Variants in RAB27B observed in about 807,000 individuals in gnomAD.
RAB27B encodes ras-related protein Rab-27B.
In RAB27B, 15 loss-of-function variants were observed where a neutral mutation model predicts 24.6. The observed-to-expected ratio is 0.61, with a 90% CI of 0.41 to 0.94. RAB27B has a LOEUF of 0.94. Among genes scored for constraint, RAB27B ranks in the 40% least tolerant of loss-of-function variants. The pLI is 0.00. For synonymous variants in RAB27B, 105 were observed against 92.5 expected (o/e 1.14, Z -0.78); for missense variants, 261 against 266.8 (o/e 0.98, Z 0.15).
intron 1 of RAB27B, among the ~76,000 whole-genome samples, chr18:54,868,964 A>G (rs1392677408): frequency 6.6e-6 from 1 of 152,188 alleles, no homozygotes; most frequent in Non-Finnish European, 1.5e-5. Context: ...TGAATCTGAA[A>G]CAGCAAATTT....
intron 2 of RAB27B, among the ~76,000 whole-genome samples, chr18:54,724,481 T>C (rs537413813): frequency 4.6e-5 from 7 of 151,452 alleles, no homozygotes; most frequent in African/African-American, 1.4e-4. Context: ...CCCAGCGCTT[T>C]GGGAGGCTTA....
At chr18:54,832,611 T>C (rs984480677) in intron 1 of RAB27B, among the ~76,000 whole-genome samples, 1 of 151,962 alleles carries the variant, frequency 6.6e-6, no homozygotes, top group Non-Finnish European at 1.5e-5. Flanking sequence ...AGAGAAAAAA[T>C]TGGGGCTTGA....
intron 2 of RAB27B, among the ~76,000 whole-genome samples, chr18:54,822,944 C>T (rs1441833685): frequency 2.0e-5 from 3 of 152,110 alleles, no homozygotes. Flanking sequence ...GACAAAATTA[C>T]AATAATCTCA....
At chr18:54,883,970 A>G (rs1261636772) in intron 3 of RAB27B, among the ~76,000 whole-genome samples, 1 of 152,128 alleles carries the variant, frequency 6.6e-6, no homozygotes, top group Non-Finnish European at 1.5e-5. Flanking sequence ...AGAAAGATGG[A>G]AAGTATAGGT....
chr18:54,834,868 C>T (rs1321926690), intron 1 of RAB27B, among the ~76,000 whole-genome samples: 1 of 151,674 alleles, frequency 6.6e-6, no homozygotes, highest in Non-Finnish European at 1.5e-5. Context: ...TTGGGGTCAA[C>T]TTAATCTGTT....
intron 2 of RAB27B, among the ~76,000 whole-genome samples, chr18:54,744,523 T>A (rs1488257471): frequency 6.6e-6 from 1 of 152,184 alleles, no homozygotes; most frequent in Non-Finnish European, 1.5e-5. Context: ...TTTCATCACA[T>A]ACACACAAAT....
intron 2 of RAB27B, among the ~76,000 whole-genome samples, chr18:54,754,708 C>G (rs1413212008): frequency 6.6e-6 from 1 of 152,186 alleles, no homozygotes; most frequent in African/African-American, 2.4e-5. Flanking sequence ...TTAAAGAAAA[C>G]TATTTCTGAC....
At chr18:54,803,813 T>C (rs559746585) in intron 2 of RAB27B, among the ~76,000 whole-genome samples, 36 of 152,286 alleles carry the variant, frequency 2.4e-4, no homozygotes, top group African/African-American at 8.2e-4. Flanking sequence ...GGGTTGATGA[T>C]AATTTGGTTA....
At chr18:54,740,954 T>C (rs1316654529) in intron 2 of RAB27B, among the ~76,000 whole-genome samples, 2 of 152,184 alleles carry the variant, frequency 1.3e-5, no homozygotes, top group African/African-American at 4.8e-5. Context: ...GACTAAAACT[T>C]GGTCTTTATT....
chr18:54,782,957 A>C (rs1256201969), intron 2 of RAB27B, among the ~76,000 whole-genome samples: 1 of 150,064 alleles, frequency 6.7e-6, no homozygotes, highest in Non-Finnish European at 1.5e-5. Flanking sequence ...GTCTCATAAT[A>C]ACTTTTTTTT....
At chr18:54,826,220 A>G (rs1910466170), upstream of RAB27B, among the ~76,000 whole-genome samples, 1 of 152,226 alleles carries the variant, frequency 6.6e-6, no homozygotes, top group African/African-American at 2.4e-5. Flanking sequence ...TATTGATTGA[A>G]TTAGACAGAT....
At chr18:54,804,904 C>CTCTTTCTT (rs777177556) in intron 2 of RAB27B, among the ~76,000 whole-genome samples, 2,035 of 47,834 alleles carry the variant, frequency 0.043, 49 homozygotes, top group Admixed American at 0.055. Context: ...CTTTCTCTCT[C>CTCTTTCTT]TCTTTCTTTC....
At chr18:54,816,440 C>G (rs375664669) in intron 2 of RAB27B, among the ~76,000 whole-genome samples, 13 of 152,068 alleles carry the variant, frequency 8.5e-5, no homozygotes, top group African/African-American at 2.9e-4. Context: ...CGTGCCAAGA[C>G]GACTGAGGGA....
chr18:54,761,981 T>C (rs545383173), intron 2 of RAB27B, among the ~76,000 whole-genome samples: 1 of 152,202 alleles, frequency 6.6e-6, no homozygotes, highest in South Asian at 2.1e-4. Flanking sequence ...CCAAATCCAG[T>C]GGCAGTGTCC....
chr18:54,850,713 C>T (rs1005377368), intron 1 of RAB27B, among the ~76,000 whole-genome samples: 3 of 151,186 alleles, frequency 2.0e-5, no homozygotes, highest in African/African-American at 7.3e-5. Flanking sequence ...AGCTCGGTGA[C>T]TGATGAAGGG....
chr18:54,883,031 T>C (rs1462292803), intron 3 of RAB27B, among the ~76,000 whole-genome samples: 1 of 151,288 alleles, frequency 6.6e-6, no homozygotes, highest in Non-Finnish European at 1.5e-5. Flanking sequence ...AATGAGAAGG[T>C]CGAAAGATAT....
chr18:54,871,000 T>C (rs980476597), intron 1 of RAB27B, among the ~76,000 whole-genome samples: 1 of 152,224 alleles, frequency 6.6e-6, no homozygotes, highest in African/African-American at 2.4e-5. Flanking sequence ...AGAATATTCA[T>C]ATAGTTTCAA....
chr18:54,874,293 T>G (rs771292329), intron 1 of RAB27B, among the ~76,000 whole-genome samples: 1 of 152,188 alleles, frequency 6.6e-6, no homozygotes, highest in Non-Finnish European at 1.5e-5. Context: ...CTGCAGTCCC[T>G]GAAGACACTG....
At position 54,788,718 on chromosome 18, in the gene RAB27B, TA is replaced by T. The variant is rs1314941060; in HGVS notation, c.-20+70580del. ...AATATTAGAAAAAGAAAATAAAGAA[TA>T]AAGGATAATAATACTTAAGAGTTAG... is the stretch of plus-strand genomic sequence containing the variant. On this transcript the variant is annotated intron_variant, in intron 2 of 4. Transcript: ENST00000586570. Among the ~76,000 whole-genome samples the T allele has an allele frequency of 3.3e-5, 5 of 152,324 alleles. No homozygotes were observed. The East Asian group carries it at 5.8e-4, about 18-fold the overall frequency.
Sources: gnomAD v4.1 joint callset for allele counts (sites outside exome capture counted in the v4.1 genomes callset) on GRCh38, gnomAD v4.1.1 for gene constraint, MANE v1.5 for transcripts, NCBI Gene and HGNC (gene_info 2026-07-23, HGNC 2026-07-21) for gene names.